CCSER1: variants seen among roughly 807,000 people sequenced by gnomAD.
CCSER1 encodes the protein coiled-coil serine rich protein 1.
In CCSER1, 41 loss-of-function variants were observed where a neutral mutation model predicts 82.0. That is an observed-to-expected ratio of 0.50 (90% CI 0.39 to 0.65). The LOEUF is 0.65. CCSER1 is among the 30% of genes least tolerant of loss of function. The pLI is 0.00. For missense variants in CCSER1, 1,119 were observed against 1,064.2 expected (o/e 1.05, Z -0.72); for synonymous variants, 414 against 383.9 (o/e 1.08, Z -0.92).
At chr4:90,721,871 T>C (rs1323905491) in intron 6 of CCSER1, among the ~76,000 whole-genome samples, 2 of 151,370 alleles carry the variant, frequency 1.3e-5, no homozygotes, top group Non-Finnish European at 3.0e-5. Flanking sequence ...GAGATTGATT[T>C]GTTTTTTTAA....
At chr4:90,383,128 T>G (rs1209414235) in intron 3 of CCSER1, among the ~76,000 whole-genome samples, 3 of 152,114 alleles carry the variant, frequency 2.0e-5, no homozygotes, top group Non-Finnish European at 1.5e-5. Flanking sequence ...TGAGAGAATC[T>G]TTATAAAAGT....
chr4:91,514,582 C>A (rs1246478369), intron 10 of CCSER1, among the ~76,000 whole-genome samples: 2 of 151,884 alleles, frequency 1.3e-5, no homozygotes, highest in Non-Finnish European at 2.9e-5. Context: ...TCCAGGTAAG[C>A]CTTTTTATAC....
intron 10 of CCSER1, among the ~76,000 whole-genome samples, chr4:91,210,832 G>A (rs934500211): frequency 3.4e-4 from 52 of 151,952 alleles, no homozygotes; most frequent in Middle Eastern, 6.8e-3. Context: ...TAGTAATGCC[G>A]ATGTCACATA....
intron 5 of CCSER1, among the ~76,000 whole-genome samples, chr4:90,514,488 C>A (rs1771969083): frequency 6.6e-6 from 1 of 152,136 alleles, no homozygotes; most frequent in African/African-American, 2.4e-5. Flanking sequence ...GACACAGTGG[C>A]TCACATCTGT....
intron 10 of CCSER1, among the ~76,000 whole-genome samples, chr4:91,179,638 G>A (rs1211030124): frequency 6.6e-6 from 1 of 152,182 alleles, no homozygotes; most frequent in East Asian, 1.9e-4. Flanking sequence ...CTCATGCCAT[G>A]GCTTTCAGCT....
chr4:90,342,739 G>T (rs185928767), intron 3 of CCSER1, among the ~76,000 whole-genome samples: 5 of 152,058 alleles, frequency 3.3e-5, no homozygotes, highest in Non-Finnish European at 1.5e-5. Flanking sequence ...CATACTCCAG[G>T]ACTTTGTGGA....
intron 10 of CCSER1, among the ~76,000 whole-genome samples, chr4:91,457,630 A>AG (rs1756263535): frequency 1.3e-5 from 2 of 152,168 alleles, no homozygotes; most frequent in African/African-American, 4.8e-5. Flanking sequence ...TGATTGTGCC[A>AG]CTGCACTCAA....
intron 10 of CCSER1, among the ~76,000 whole-genome samples, chr4:91,135,512 G>A (rs1382763282): frequency 2.0e-5 from 3 of 152,194 alleles, no homozygotes; most frequent in African/African-American, 7.2e-5. Flanking sequence ...TTCATTTGCT[G>A]ATTTAGATGA....
chr4:90,696,888 A>C (rs746594398), intron 6 of CCSER1, among the ~76,000 whole-genome samples: 1 of 152,156 alleles, frequency 6.6e-6, no homozygotes. Flanking sequence ...ACAAAACAGC[A>C]GAGTGTTCAG....
intron 6 of CCSER1, among the ~76,000 whole-genome samples, chr4:90,706,155 A>G (rs1015258603): frequency 2.6e-5 from 4 of 152,156 alleles, no homozygotes; most frequent in African/African-American, 9.7e-5. Context: ...CAGCCTCCAC[A>G]ACTGTGAGAA....
chr4:90,670,678 ATAT>A (rs1732630657), intron 6 of CCSER1, among the ~76,000 whole-genome samples: 1 of 152,086 alleles, frequency 6.6e-6, no homozygotes, highest in Non-Finnish European at 1.5e-5. Context: ...TGTTCAGTAG[ATAT>A]TATTGGTTAA....
intron 8 of CCSER1, among the ~76,000 whole-genome samples, chr4:90,884,607 G>A (rs1721843414): frequency 6.6e-6 from 1 of 152,000 alleles, no homozygotes; most frequent in Non-Finnish European, 1.5e-5. Context: ...TTCTGAAGGA[G>A]CAGAAAAAAA....
chr4:91,216,774 TGTTAATTTAC>T (rs1737277700), intron 10 of CCSER1, among the ~76,000 whole-genome samples: 1 of 152,236 alleles, frequency 6.6e-6, no homozygotes, highest in African/African-American at 2.4e-5. Flanking sequence ...TGTTAATTTA[TGTTAATTTAC>T]CCACTTGTCC....
At chr4:90,378,819 C>G (rs1040864340) in intron 3 of CCSER1, among the ~76,000 whole-genome samples, 1 of 152,142 alleles carries the variant, frequency 6.6e-6, no homozygotes, top group African/African-American at 2.4e-5. Context: ...ACAATTGAGA[C>G]ATGAATTCTT....
chr4:91,323,175 C>A (rs1027334067), intron 10 of CCSER1, among the ~76,000 whole-genome samples: 3 of 152,126 alleles, frequency 2.0e-5, no homozygotes, highest in Non-Finnish European at 4.4e-5. Context: ...GGGCAAGATA[C>A]CTGGCAATCC....
At chr4:90,609,338 A>G (rs1256581999) in intron 5 of CCSER1, among the ~76,000 whole-genome samples, 2 of 152,268 alleles carry the variant, frequency 1.3e-5, no homozygotes, top group East Asian at 1.9e-4. Flanking sequence ...AACGCATATA[A>G]TTAGGCCAAG....
At chr4:90,963,222 C>G (rs993286669) in intron 9 of CCSER1, among the ~76,000 whole-genome samples, 3 of 152,054 alleles carry the variant, frequency 2.0e-5, no homozygotes, top group African/African-American at 7.2e-5. Context: ...AATTCTGAAG[C>G]AAATTTGATC....
chr4:90,569,390 C>A (rs911272958), intron 5 of CCSER1, among the ~76,000 whole-genome samples: 1 of 152,090 alleles, frequency 6.6e-6, no homozygotes, highest in African/African-American at 2.4e-5. Flanking sequence ...AACCTTTGAT[C>A]AAAAACACTA....
At chr4:90,302,713 G>A (rs188873355) in intron 1 of CCSER1, among the ~76,000 whole-genome samples, 2 of 152,248 alleles carry the variant, frequency 1.3e-5, no homozygotes, top group Non-Finnish European at 2.9e-5. Context: ...TGAGGTAGAA[G>A]GATGGCTTGA....
Sources: gnomAD v4.1 joint callset for allele counts (sites outside exome capture counted in the v4.1 genomes callset) on GRCh38, gnomAD v4.1.1 for gene constraint, MANE v1.5 for transcripts, NCBI Gene and HGNC (gene_info 2026-07-23, HGNC 2026-07-21) for gene names.